NDFIP1: variants seen among roughly 807,000 people sequenced by gnomAD.
NDFIP1 encodes the protein NEDD4 family-interacting protein 1.
NDFIP1 carries 7 observed loss-of-function variants against 28.8 expected under a neutral mutation model. The ratio of observed to expected loss-of-function variants is 0.24; its 90% CI spans 0.14 to 0.46. NDFIP1 has a LOEUF of 0.46. Among genes scored for constraint, NDFIP1 ranks in the 20% least tolerant of loss-of-function variants. NDFIP1 has a pLI of 0.99. For missense variants in NDFIP1, 194 were observed against 269.1 expected, an observed-to-expected ratio of 0.72 and a Z score of 1.95; for synonymous variants, 92 against 101.0, an observed-to-expected ratio of 0.91 and a Z score of 0.53.
intron 1 of NDFIP1, among the ~76,000 whole-genome samples, chr5:142,111,409 A>G (rs2126908444): frequency 6.6e-6 from 1 of 152,222 alleles, no homozygotes; most frequent in African/African-American, 2.4e-5. Context: ...AAGAATGTTT[A>G]CAGTTTTTTT....
At chr5:142,133,813 A>C (rs1757248528) in intron 3 of NDFIP1, among the ~76,000 whole-genome samples, 1 of 152,216 alleles carries the variant, frequency 6.6e-6, no homozygotes, top group Non-Finnish European at 1.5e-5. Context: ...TGTTATTCAA[A>C]AGCCTAAAAT....
chr5:142,144,714 C>A, intron 7 of NDFIP1, 38 bp downstream of exon 7: 1 of 1,246,184 alleles, frequency 8.0e-7, no homozygotes, highest in Non-Finnish European at 1.2e-6. Flanking sequence ...CCAGTGTAAC[C>A]ATGTGCTACA....
chr5:142,128,013 A>G (rs933130850), intron 1 of NDFIP1, among the ~76,000 whole-genome samples: 3 of 152,154 alleles, frequency 2.0e-5, no homozygotes, highest in African/African-American at 7.2e-5. Context: ...TATGACAGGA[A>G]AAAAAATCCA....
chr5:142,115,801 G>A (rs1192071795), intron 1 of NDFIP1, among the ~76,000 whole-genome samples: 1 of 152,118 alleles, frequency 6.6e-6, no homozygotes, highest in Non-Finnish European at 1.5e-5. Context: ...ATGAGTTAGA[G>A]TAGGCTCTGG....
intron 7 of NDFIP1, among the ~76,000 whole-genome samples, chr5:142,148,847 G>A (rs1261767986): frequency 7.0e-6 from 1 of 143,034 alleles, no homozygotes; most frequent in East Asian, 2.3e-4. Flanking sequence ...GGTAAAAAAT[G>A]TAAAGTGTTT....
chr5:142,110,653 A>C (rs1420170803), intron 1 of NDFIP1, among the ~76,000 whole-genome samples: 2 of 152,204 alleles, frequency 1.3e-5, no homozygotes, highest in East Asian at 3.8e-4. Flanking sequence ...AAAAGATGAA[A>C]GCCCAAAAAA....
intron 1 of NDFIP1, among the ~76,000 whole-genome samples, chr5:142,115,536 C>T (rs922122738): frequency 8.5e-5 from 13 of 152,242 alleles, no homozygotes; most frequent in Non-Finnish European, 1.6e-4. Context: ...CTGCCCGCCT[C>T]GGTCTCCCAA....
At chr5:142,136,961 C>T (rs1424533888) in intron 4 of NDFIP1, among the ~76,000 whole-genome samples, 1 of 150,724 alleles carries the variant, frequency 6.6e-6, no homozygotes, top group East Asian at 2.0e-4. Context: ...GTCCCAGCCA[C>T]TCGGGAGGCT....
intron 1 of NDFIP1, among the ~76,000 whole-genome samples, chr5:142,117,642 T>C (rs1167394550): frequency 6.6e-6 from 1 of 152,070 alleles, no homozygotes; most frequent in Non-Finnish European, 1.5e-5. Flanking sequence ...AACAGTAACT[T>C]TCTAAAGAAA....
chr5:142,145,810 G>A (rs577903952), intron 7 of NDFIP1, among the ~76,000 whole-genome samples: 3 of 152,304 alleles, frequency 2.0e-5, no homozygotes, highest in African/African-American at 7.2e-5. Flanking sequence ...CCAGCGACAT[G>A]TTGGGTCAAT....
At position 142,108,883 on chromosome 5, in the gene NDFIP1, C is replaced by A. The variant is rs1756980201; in HGVS notation, c.-92C>A. 1.7e-6 allele frequency: 2 copies of A among 1,154,384 alleles called. No homozygotes were observed. The highest frequency in any genetic ancestry group is 2.3e-6 in the Non-Finnish European group (2 of 888,806). The allele number at this position is 1,154,384 out of a possible 1,614,324, so 71.5% of individuals were successfully genotyped here. ...CATCGAGACCCACCCAAGGCGCGTC[C>A]CCCTCGGCCTCCCAGCGCTCCCAAG... On this transcript the variant is annotated 5_prime_UTR_variant, in exon 1 of 8. Coordinates refer to ENST00000253814, the MANE Select transcript of NDFIP1 (RefSeq NM_030571.4).
intron 5 of NDFIP1, 119 bp from the exon 6 acceptor site, chr5:142,140,444 G>A (rs909864710): frequency 3.4e-5 from 25 of 725,300 alleles, no homozygotes; most frequent in East Asian, 1.6e-4. Context: ...GCGAAACTCC[G>A]TCTCAAAAAA....
chr5:142,149,429 G>T (rs1331853619), intron 7 of NDFIP1, among the ~76,000 whole-genome samples: 2 of 133,908 alleles, frequency 1.5e-5, no homozygotes, highest in African/African-American at 2.9e-5. Flanking sequence ...TAGGCTATTG[G>T]ATTCCTTTTT....
chr5:142,115,576 C>T (rs899219881), intron 1 of NDFIP1, among the ~76,000 whole-genome samples: 2 of 152,152 alleles, frequency 1.3e-5, no homozygotes, highest in East Asian at 1.9e-4. Flanking sequence ...TGAGCCACTG[C>T]GCCCGGCCTA....
chr5:142,147,245 AG>A (rs1204049877), intron 7 of NDFIP1, among the ~76,000 whole-genome samples: 13 of 152,304 alleles, frequency 8.5e-5, no homozygotes, highest in Admixed American at 4.6e-4. Context: ...GGATCCCCAG[AG>A]GGAACCTGAA....
rs143792457 is a variant in NDFIP1, at chr5:142,125,141, A to T, written c.64-6667A>T. Among the ~76,000 whole-genome samples, 3 of 152,228 alleles carry T rather than the reference A, an allele frequency of 2.0e-5. No homozygotes were observed. In the East Asian group the frequency reaches 5.8e-4, roughly 29 times the overall value. On this transcript the variant is annotated intron_variant, in intron 1 of 7. Transcript: ENST00000253814. ...TTGTACTGTAATGTTTTTAAGGTTCATCCATATTTCAGCATGTGTCAGTAT... is the reference window on the plus strand; with the variant it reads ...TTGTACTGTAATGTTTTTAAGGTTCTTCCATATTTCAGCATGTGTCAGTAT...
chr5:142,148,039 CAGGT>C (rs1200227320), intron 7 of NDFIP1, among the ~76,000 whole-genome samples: 2 of 152,160 alleles, frequency 1.3e-5, no homozygotes, highest in Admixed American at 6.5e-5. Flanking sequence ...AAGAAAGACA[CAGGT>C]AGGGAATTTT....
At chr5:142,150,527 G>A (rs1045602299) in intron 7 of NDFIP1, among the ~76,000 whole-genome samples, 1 of 151,654 alleles carries the variant, frequency 6.6e-6, no homozygotes, top group Non-Finnish European at 1.5e-5. Context: ...CTCCATTTTG[G>A]CAGCCTTTTA....
chr5:142,118,208 A>G (rs1489741722), intron 1 of NDFIP1, among the ~76,000 whole-genome samples: 1 of 152,156 alleles, frequency 6.6e-6, no homozygotes, highest in Non-Finnish European at 1.5e-5. Context: ...CAGATTTTCT[A>G]AGTTTTTACC....
Sources: gnomAD v4.1 joint callset for allele counts (sites outside exome capture counted in the v4.1 genomes callset) on GRCh38, gnomAD v4.1.1 for gene constraint, MANE v1.5 for transcripts, NCBI Gene and HGNC (gene_info 2026-07-23, HGNC 2026-07-21) for gene names.